The following NDST3 variants were observed in gnomAD, a reference collection of about 807,000 sequenced individuals.
The protein encoded by NDST3 is bifunctional heparan sulfate N-deacetylase/N-sulfotransferase 3.
A neutral mutation model predicts 96.1 loss-of-function variants in NDST3; 58 were observed. The ratio of observed to expected loss-of-function variants is 0.60; its 90% CI spans 0.49 to 0.75. The LOEUF (loss-of-function observed/expected upper bound fraction) is 0.75. Among genes scored for constraint, NDST3 ranks in the 30% least tolerant of loss-of-function variants. NDST3 has a pLI of 0.00. For missense variants in NDST3, 788 were observed against 1,034.2 expected (o/e 0.76, Z 3.27); for synonymous variants, 333 against 359.7 (o/e 0.93, Z 0.84).
Position 118,255,815 on chromosome 4 carries a change from G to A in NDST3, c.*103G>A. ...AGTTGAAAAATATACCTCTTCAAATGAGAAAAAAGAACAGTTTCTTCCATG... is the reference window on the plus strand; with the variant it reads ...AGTTGAAAAATATACCTCTTCAAATAAGAAAAAAGAACAGTTTCTTCCATG... On this transcript the variant is annotated 3_prime_UTR_variant, in exon 14 of 14. Transcript: ENST00000296499. The A allele has an allele frequency of 7.8e-7, 1 of 1,280,428 alleles. No individual in the cohort carries two copies. The highest frequency in any genetic ancestry group is 2.9e-5 in the Admixed American group (1 of 34,274). 79.3% of individuals were successfully genotyped at this position (1,280,428 alleles called of 1,614,324 possible).
chr4:118,063,321 G>A (rs1037160927), intron 2 of NDST3, among the ~76,000 whole-genome samples: 1 of 151,946 alleles, frequency 6.6e-6, no homozygotes, highest in Admixed American at 6.6e-5. Context: ...AAGAATACAA[G>A]AGGCAAATTC....
In NDST3 at chr4:118,080,470, A is replaced by C. The variant is rs561951517; in HGVS notation, c.982-24548A>C. Reference sequence around the variant, plus strand: ...ATGTCACCATGAAGGTCATGGCCACATATACTTAGATTTCACAGAAATGAT... The same window carrying C: ...ATGTCACCATGAAGGTCATGGCCACCTATACTTAGATTTCACAGAAATGAT... On this transcript the variant is annotated intron_variant, in intron 2 of 13. Coordinates refer to ENST00000296499, the MANE Select transcript of NDST3 (RefSeq NM_004784.3). Among the ~76,000 whole-genome samples the C allele has an allele frequency of 3.3e-5, 5 of 152,310 alleles. No homozygotes were observed. In the East Asian group the frequency reaches 9.7e-4, roughly 29 times the overall value.
At chr4:118,126,809 A>G (rs1732134351) in intron 4 of NDST3, among the ~76,000 whole-genome samples, 1 of 152,040 alleles carries the variant, frequency 6.6e-6, no homozygotes, top group South Asian at 2.1e-4. Flanking sequence ...CATCCCCACC[A>G]ACAGCGTATA....
intron 2 of NDST3, 115 bp from the exon 3 acceptor site, chr4:118,104,899 TTTAA>T: frequency 1.5e-6 from 1 of 680,796 alleles, no homozygotes; most frequent in African/African-American, 1.8e-5. Flanking sequence ...TTTTCCACCA[TTTAA>T]TTCTCACATG....
intron 2 of NDST3, among the ~76,000 whole-genome samples, chr4:118,095,884 T>C (rs1426234933): frequency 6.6e-6 from 1 of 151,952 alleles, no homozygotes; most frequent in Non-Finnish European, 1.5e-5. Flanking sequence ...TCATCTATGT[T>C]ATAACATGTA....
intron 2 of NDST3, among the ~76,000 whole-genome samples, chr4:118,066,517 TTA>T (rs1301704653): frequency 1.3e-5 from 1 of 79,518 alleles, no homozygotes; most frequent in African/African-American, 5.4e-5. Context: ...TATATATACA[TTA>T]TATATGTTAT....
At chr4:118,051,675 A>G (rs964447319) in intron 1 of NDST3, among the ~76,000 whole-genome samples, 1 of 152,088 alleles carries the variant, frequency 6.6e-6, no homozygotes, top group Non-Finnish European at 1.5e-5. Context: ...AAGTCAAATT[A>G]TCTCTCTTTG....
intron 10 of NDST3, among the ~76,000 whole-genome samples, chr4:118,238,163 GAAAGAAAGAAAGAAAGAAAGAAAGAAA>G (rs1740779271): frequency 1.3e-4 from 5 of 37,928 alleles, no homozygotes; most frequent in Middle Eastern, 0.01. Flanking sequence ...AGAAAAGAAA[GAAAGAAAGAAAGAAAGAAAGAAAGAAA>G]GAAAGAAAGA....
chr4:118,051,471 A>G (rs573131936), intron 1 of NDST3, among the ~76,000 whole-genome samples: 1 of 151,774 alleles, frequency 6.6e-6, no homozygotes, highest in African/African-American at 2.4e-5. Flanking sequence ...TAAACAGACA[A>G]CCTACAGAAT....
At chr4:118,136,499 C>G (rs192459193) in intron 4 of NDST3, among the ~76,000 whole-genome samples, 49 of 151,830 alleles carry the variant, frequency 3.2e-4, no homozygotes, top group Non-Finnish European at 5.4e-4. Context: ...AAAACCAGTA[C>G]GAAAAAAGCA....
chr4:118,080,674 A>AT (rs996558434), intron 2 of NDST3, among the ~76,000 whole-genome samples: 40 of 152,128 alleles, frequency 2.6e-4, no homozygotes, highest in Non-Finnish European at 5.7e-4. Context: ...TATGTGCCAT[A>AT]TTTTTTTAAT....
At chr4:118,103,586 G>GA (rs1729935522) in intron 2 of NDST3, among the ~76,000 whole-genome samples, 1 of 152,044 alleles carries the variant, frequency 6.6e-6, no homozygotes, top group African/African-American at 2.4e-5. Flanking sequence ...TCCAGCATCT[G>GA]ACCTAGAAGT....
At chr4:118,110,361 G>T (rs1428286350) in intron 3 of NDST3, among the ~76,000 whole-genome samples, 5 of 152,194 alleles carry the variant, frequency 3.3e-5, no homozygotes, top group Non-Finnish European at 7.3e-5. Flanking sequence ...ATCTGAGTTA[G>T]AACTCAGAAT....
At chr4:118,190,698 G>A (rs1031650560) in intron 6 of NDST3, among the ~76,000 whole-genome samples, 1 of 152,106 alleles carries the variant, frequency 6.6e-6, no homozygotes, top group African/African-American at 2.4e-5. Flanking sequence ...GGAAGAAAGG[G>A]CCATATTGGG....
chr4:118,044,935 C>T (rs1724677150), intron 1 of NDST3, among the ~76,000 whole-genome samples: 1 of 151,824 alleles, frequency 6.6e-6, no homozygotes, highest in African/African-American at 2.4e-5. Flanking sequence ...TCATGACCTA[C>T]TCACTTCTTC....
intron 4 of NDST3, among the ~76,000 whole-genome samples, chr4:118,132,367 T>C (rs951833332): frequency 6.6e-6 from 1 of 152,030 alleles, no homozygotes; most frequent in African/African-American, 2.4e-5. Flanking sequence ...CTTGGCAGGG[T>C]TCTGTCAGGC....
Position 118,149,966 on chromosome 4 carries a change from G to C in NDST3, c.1539+6282G>C, listed in dbSNP as rs1356751547. Among the ~76,000 whole-genome samples the C allele has an allele frequency of 1.5e-4, 16 of 106,708 alleles. No homozygotes were observed. In the East Asian group the frequency reaches 3.5e-3, roughly 23 times the overall value. The allele number at this position is 106,708 out of a possible 152,430, so 70.0% of individuals were successfully genotyped here. The stretch of plus-strand genomic sequence containing the variant: ...ATTTATTGAGAGTTTTTAGCATGAA[G>C]GGTTGTTGAATTTTGTCAAAGGCCT... On this transcript the variant is annotated intron_variant, in intron 6 of 13. Coordinates refer to ENST00000296499, the MANE Select transcript of NDST3 (RefSeq NM_004784.3).
Position 118,198,460 on chromosome 4 carries a change from A to C in NDST3, c.1540-26031A>C, listed in dbSNP as rs537457329. On this transcript the variant is annotated intron_variant, in intron 6 of 13. Transcript: ENST00000296499. ...AAAATTTACAAAGACTTCCTGCATTAACTTTGTGCCCCTGCTTTAAGTTTT... is the reference window on the plus strand; with the variant it reads ...AAAATTTACAAAGACTTCCTGCATTCACTTTGTGCCCCTGCTTTAAGTTTT... 3.4e-4 allele frequency among the ~76,000 whole-genome samples: 52 copies of C among 152,284 alleles called. 2 individuals are homozygous for C. In the South Asian group the frequency reaches 0.011, roughly 32 times the overall value.
intron 6 of NDST3, among the ~76,000 whole-genome samples, chr4:118,159,661 T>C (rs1217470449): frequency 6.6e-6 from 1 of 152,178 alleles, no homozygotes; most frequent in East Asian, 1.9e-4. Flanking sequence ...AGATGTTCAA[T>C]AAACTCAGGA....
Sources: gnomAD v4.1 joint callset for allele counts (sites outside exome capture counted in the v4.1 genomes callset) on GRCh38, gnomAD v4.1.1 for gene constraint, MANE v1.5 for transcripts, NCBI Gene and HGNC (gene_info 2026-07-23, HGNC 2026-07-21) for gene names.